The following CSMD1 variants were observed in gnomAD, a reference collection of about 807,000 sequenced individuals.
The protein encoded by CSMD1 is CUB and sushi domain-containing protein 1.
Under a neutral mutation model 417.5 loss-of-function variants are expected in CSMD1, and 213 were observed. The ratio of observed to expected loss-of-function variants is 0.51; its 90% CI spans 0.46 to 0.57. The LOEUF (loss-of-function observed/expected upper bound fraction) is 0.57. Ranked by LOEUF, CSMD1 falls within the 20% of genes least tolerant of loss-of-function variation. The probability of loss-of-function intolerance (pLI) is 0.00; values close to 1 mark genes in which losing one functional copy is unlikely to be tolerated. For missense variants in CSMD1, 6,923 were observed against 4,529.7 expected (o/e 1.53, Z -15.17); for synonymous variants, 2,862 against 1,736.8 (o/e 1.65, Z -16.11).
chr8:4,857,278 A>G (rs10100984), intron 1 of CSMD1, among the ~76,000 whole-genome samples: 116,347 of 139,108 alleles, frequency 0.84, 49,936 homozygotes, highest in East Asian at 1. Flanking sequence ...TGTGTAGAGG[A>G]AAATTTATAG....
At chr8:4,952,531 T>C (rs1808822540) in intron 1 of CSMD1, among the ~76,000 whole-genome samples, 1 of 152,112 alleles carries the variant, frequency 6.6e-6, no homozygotes, top group Non-Finnish European at 1.5e-5. Flanking sequence ...AATTCTATTT[T>C]TTCAATACTT....
intron 3 of CSMD1, among the ~76,000 whole-genome samples, chr8:4,285,053 C>T (rs972956832): frequency 1.3e-5 from 2 of 152,120 alleles, no homozygotes; most frequent in Non-Finnish European, 1.5e-5. Context: ...GTAAGCATAA[C>T]ACAATAGTCA....
rs764745299 is a variant in CSMD1 at position 3,795,057 on chromosome 8, TATAG to T, written c.819-41019_819-41016del. Among the ~76,000 whole-genome samples, 47 of 136,664 alleles carry T rather than the reference TATAG, an allele frequency of 3.4e-4. 1 individual carries two copies. Among genetic ancestry groups the T allele is most frequent in the South Asian group, 1.4e-3 (6 of 4,180 alleles). The allele number at this position is 136,664 out of a possible 152,430, so 89.7% of individuals were successfully genotyped here. On this transcript the variant is annotated intron_variant, in intron 5 of 69. Coordinates refer to ENST00000635120, the MANE Select transcript of CSMD1 (RefSeq NM_033225.6). ...TAGATACATATCTATCATGTATAGCTATAGATATATATCTATCATGTACAGCTAT... is the reference window on the plus strand; with the variant it reads ...TAGATACATATCTATCATGTATAGCTATATATATCTATCATGTACAGCTAT...
At chr8:3,923,312 A>G (rs1194471941) in intron 5 of CSMD1, among the ~76,000 whole-genome samples, 1 of 152,084 alleles carries the variant, frequency 6.6e-6, no homozygotes, top group Non-Finnish European at 1.5e-5. Context: ...TGGGGAGTTT[A>G]TGTATGTATA....
chr8:4,600,373 A>G (rs1800517845), intron 2 of CSMD1, among the ~76,000 whole-genome samples: 1 of 152,202 alleles, frequency 6.6e-6, no homozygotes. Flanking sequence ...AAGTTTAAAG[A>G]TATAGCTATT....
chr8:4,315,857 C>T (rs1014665617), intron 3 of CSMD1, among the ~76,000 whole-genome samples: 4 of 152,004 alleles, frequency 2.6e-5, no homozygotes, highest in Admixed American at 6.6e-5. Context: ...ATATTATATT[C>T]TCAGTCTTCT....
chr8:4,795,300 C>CCTG (rs780772437), intron 1 of CSMD1, among the ~76,000 whole-genome samples: 1 of 72,184 alleles, frequency 1.4e-5, no homozygotes, highest in South Asian at 4.6e-4. Flanking sequence ...GAGATGGAGT[C>CCTG]CTGCTCTGTC....
At chr8:4,566,892 C>CATCAATGAGAAAAACTCAATTT (rs1479638962) in intron 2 of CSMD1, among the ~76,000 whole-genome samples, 9 of 28,708 alleles carry the variant, frequency 3.1e-4, no homozygotes, top group Non-Finnish European at 8.7e-4. Flanking sequence ...GAATGTTTTC[C>CATCAATGAGAAAAACTCAATTT]AGCAATGAGA....
rs1329755210 is a variant in CSMD1 at position 3,399,865 on chromosome 8, A to G, written c.2267-336T>C. ...TTATCTATAGTTTACATGCATTTGG[A>G]ATTTAACAATTATCTATACATAAGC... On this transcript the variant is annotated intron_variant, in intron 15 of 69. Transcript: ENST00000635120. Among the ~76,000 whole-genome samples, 4 of 152,216 alleles carry G rather than the reference A, an allele frequency of 2.6e-5. No individual in the cohort carries two copies. In the East Asian group the frequency reaches 7.7e-4, roughly 29 times the overall value.
chr8:4,114,439 G>A (rs527861423), intron 3 of CSMD1, among the ~76,000 whole-genome samples: 34 of 152,260 alleles, frequency 2.2e-4, no homozygotes, highest in Admixed American at 2.0e-3. Flanking sequence ...AGGTGGTTAC[G>A]GAAGAGCTTG....
intron 6 of CSMD1, among the ~76,000 whole-genome samples, chr8:3,729,962 C>CAAA (rs1212260502): frequency 2.1e-4 from 2 of 9,456 alleles, no homozygotes; most frequent in African/African-American, 3.8e-4. Context: ...AAAAAAAAAA[C>CAAA]AAAAACAGAA....
At chr8:3,451,693 G>A (rs573150716) in intron 12 of CSMD1, among the ~76,000 whole-genome samples, 1 of 152,154 alleles carries the variant, frequency 6.6e-6, no homozygotes, top group Non-Finnish European at 1.5e-5. Flanking sequence ...TTTGGAACCA[G>A]TACCATGCTG....
At chr8:4,343,207 A>G (rs145686591) in intron 3 of CSMD1, among the ~76,000 whole-genome samples, 1 of 152,228 alleles carries the variant, frequency 6.6e-6, no homozygotes, top group East Asian at 1.9e-4. Context: ...TTAGAGCATA[A>G]AAAGCACATA....
chr8:3,294,427 T>G (rs1419652283), intron 25 of CSMD1, among the ~76,000 whole-genome samples: 1 of 151,990 alleles, frequency 6.6e-6, no homozygotes, highest in Non-Finnish European at 1.5e-5. Flanking sequence ...AGAGGTGGAG[T>G]CTACAGAGGC....
rs73185746 is a variant in CSMD1, at chr8:4,894,621, T to C, written c.85+99711A>G. ...AATGAAATAATATTCTATCCACCCATTATCATTTATCTGCAAATATCTGCA... is the reference window on the plus strand; with the variant it reads ...AATGAAATAATATTCTATCCACCCACTATCATTTATCTGCAAATATCTGCA... On this transcript the variant is annotated intron_variant, in intron 1 of 69. Coordinates refer to ENST00000635120, the MANE Select transcript of CSMD1 (RefSeq NM_033225.6). Among the ~76,000 whole-genome samples the C allele has an allele frequency of 3.3e-3, 508 of 151,892 alleles. 2 individuals carry two copies. The highest frequency in any genetic ancestry group is 5.7e-3 in the Non-Finnish European group (385 of 67,976).
intron 2 of CSMD1, among the ~76,000 whole-genome samples, chr8:4,421,579 A>C (rs1797249933): frequency 6.7e-6 from 1 of 148,750 alleles, no homozygotes; most frequent in Admixed American, 6.6e-5. Flanking sequence ...ACACACTTCT[A>C]AATAATCCAG....
chr8:4,364,009 ATAATT>A (rs1250196015), intron 3 of CSMD1, among the ~76,000 whole-genome samples: 1 of 152,186 alleles, frequency 6.6e-6, no homozygotes, highest in African/African-American at 2.4e-5. Context: ...ACTGTAGTCA[ATAATT>A]TAATTGTACT....
At chr8:4,850,380 A>ATATTTTTTTTTTTTTTT (rs1403352847) in intron 1 of CSMD1, among the ~76,000 whole-genome samples, 1 of 82,768 alleles carries the variant, frequency 1.2e-5, no homozygotes, top group African/African-American at 4.9e-5. Flanking sequence ...AATCCAATTT[A>ATATTTTTTTTTTTTTTT]TCTTTTTTTT....
At chr8:4,123,275 A>G (rs536154097) in intron 3 of CSMD1, among the ~76,000 whole-genome samples, 9 of 152,324 alleles carry the variant, frequency 5.9e-5, no homozygotes, top group Non-Finnish European at 1.2e-4. Context: ...TAGCTTTTAG[A>G]ATATATTAGG....
Sources: gnomAD v4.1 joint callset for allele counts (sites outside exome capture counted in the v4.1 genomes callset) on GRCh38, gnomAD v4.1.1 for gene constraint, MANE v1.5 for transcripts, NCBI Gene and HGNC (gene_info 2026-07-23, HGNC 2026-07-21) for gene names.